Variants in IGF2R observed in about 807,000 individuals in gnomAD.
IGF2R encodes cation-independent mannose-6-phosphate receptor.
IGF2R carries 91 observed loss-of-function variants against 270.6 expected under a neutral mutation model. That is an observed-to-expected ratio of 0.34 (90% CI 0.28 to 0.40). IGF2R has a LOEUF of 0.40. Ranked by LOEUF, IGF2R falls within the 10% of genes least tolerant of loss-of-function variation. IGF2R has a pLI of 1.00. For missense variants in IGF2R, 2,805 were observed against 3,188.3 expected, an observed-to-expected ratio of 0.88 and a Z score of 2.90; for synonymous variants, 1,316 against 1,258.9, an observed-to-expected ratio of 1.05 and a Z score of -0.96.
intron 46 of IGF2R, among the ~76,000 whole-genome samples, chr6:160,103,110 AGC>A (rs1407013471): frequency 2.0e-5 from 3 of 152,158 alleles, no homozygotes; most frequent in Non-Finnish European, 2.9e-5. Flanking sequence ...GTGACGGTCA[AGC>A]AGATTTTCAC....
chr6:160,010,814 T>G (rs779414257), intron 4 of IGF2R, 29 bp downstream of exon 4: 3 of 1,256,740 alleles, frequency 2.4e-6, no homozygotes, highest in Non-Finnish European at 3.5e-6. Flanking sequence ...ATTACATGCT[T>G]ATGAAGTATA....
rs763859179 is a variant in IGF2R, at chr6:160,084,132, C to T, written c.6016C>T (p.Arg2006Trp). The T allele has an allele frequency of 8.1e-6, 13 of 1,613,992 alleles. No individual in the cohort carries two copies. Among genetic ancestry groups the T allele is most frequent in the Admixed American group, 6.7e-5 (4 of 60,012 alleles). The change falls in exon 40 of 48, where the codon CGG becomes TGG. Residue 2006 changes from arginine (R) to tryptophan (W), a missense_variant. Arg to Trp is a moderately radical substitution (Grantham distance 101, BLOSUM62 -3). Around this residue, in one of 2 missense-constraint regions of IGF2R, gnomAD observed 1,851 missense variants for 2,207.2 expected, o/e 0.84. Transcript: ENST00000356956. This position sits in a 1 kb window ranked among gnomAD's most constrained non-coding sequence, Gnocchi z 4.6. ...CCAGAAACACAAAACCTACGACCTG[C>T]GGCTGCTCTCCTCTCTCACCGGGTC... ...FVQKHKTYDL[R>W]LLSSLTGSWS...
chr6:160,047,207 T>C lies in IGF2R; in HGVS notation c.2100T>C (p.Tyr700=). 6.2e-7 allele frequency: 1 copy of C among 1,614,150 alleles called. No individual in the cohort carries two copies. The highest frequency in any genetic ancestry group is 1.1e-5 in the South Asian group (1 of 91,084). The change falls in exon 16 of 48, where the codon TAT becomes TAC. Residue 700 remains tyrosine (Y), a synonymous_variant. Coordinates refer to ENST00000356956, the MANE Select transcript of IGF2R (RefSeq NM_000876.4). ...NLGLSNAKLS[Y]YDGMIQLNYR... The stretch of plus-strand genomic sequence containing the variant: ...GTCTGAGTAATGCGAAGCTTTCATA[T>C]TATGATGGGATGATCCAACTGAACT...
At chr6:160,087,461 G>A (rs934172519) in intron 41 of IGF2R, among the ~76,000 whole-genome samples, 6 of 152,224 alleles carry the variant, frequency 3.9e-5, no homozygotes, top group African/African-American at 1.2e-4. Context: ...CAGAAGCTCA[G>A]CAACCCAGGG....
intron 4 of IGF2R, among the ~76,000 whole-genome samples, chr6:160,019,181 A>G (rs1231572188): frequency 1.3e-5 from 2 of 152,190 alleles, no homozygotes; most frequent in Non-Finnish European, 2.9e-5. Context: ...AACTGAGAAA[A>G]TTTAGAGGAA....
At chr6:160,078,085 C>G (rs1778892834) in intron 36 of IGF2R, 116 bp from the exon 37 acceptor site, 1 of 975,550 alleles carries the variant, frequency 1.0e-6, no homozygotes, top group Non-Finnish European at 1.6e-6. Context: ...TCTAGCATCC[C>G]TTCCCTCTGA....
At chr6:160,016,231 T>C (rs1777295712) in intron 4 of IGF2R, among the ~76,000 whole-genome samples, 1 of 152,178 alleles carries the variant, frequency 6.6e-6, no homozygotes, top group East Asian at 1.9e-4. Context: ...AGGCTGCACC[T>C]CTTTTTACCA....
At chr6:159,982,494 T>G (rs1783821465) in intron 1 of IGF2R, among the ~76,000 whole-genome samples, 1 of 152,214 alleles carries the variant, frequency 6.6e-6, no homozygotes, top group Non-Finnish European at 1.5e-5. Flanking sequence ...AGAGAAACAT[T>G]TCTCTAGCTA....
intron 20 of IGF2R, among the ~76,000 whole-genome samples, chr6:160,057,821 G>C (rs1180055564): frequency 6.6e-6 from 1 of 152,142 alleles, no homozygotes; most frequent in Admixed American, 6.5e-5. Flanking sequence ...TCTGAGTCTG[G>C]GCTCACACTT....
At chr6:160,104,644 C>T (rs780997714) in intron 47 of IGF2R, 30 bp from the exon 48 acceptor site, 6 of 1,591,190 alleles carry the variant, frequency 3.8e-6, no homozygotes, top group Admixed American at 1.7e-5. Context: ...TTAGGGGGCT[C>T]ACGTGGTCTC....
rs909519894 is a variant in IGF2R at position 160,107,562 on chromosome 6, A to G, written c.*2478A>G. 6 of 152,262 alleles carry G rather than the reference A, an allele frequency of 3.9e-5. No individual in the cohort carries two copies. Among genetic ancestry groups the G allele is most frequent in the African/African-American group, 1.4e-4 (6 of 41,472 alleles). The allele number at this position is 152,262 out of a possible 1,614,324, so 9.4% of individuals were successfully genotyped here. ...AGAGAAATGATTTTATTGATGGAGT[A>G]CAACCTGGGTATTTAGCTTCCTTTC... On this transcript the variant is annotated 3_prime_UTR_variant, in exon 48 of 48. Coordinates refer to ENST00000356956, the MANE Select transcript of IGF2R (RefSeq NM_000876.4).
rs555787844 is a variant in IGF2R at position 160,012,154 on chromosome 6, A to T, written c.513+1369A>T. Among the ~76,000 whole-genome samples the T allele has an allele frequency of 3.1e-3, 474 of 152,086 alleles. 4 individuals carry two copies. Among genetic ancestry groups the T allele is most frequent in the Non-Finnish European group, 4.6e-3 (311 of 68,006 alleles). ...AAGGAGCATTCAATGAAAAAAAAAAAGTTTAAAGTGGAAAGAATTAAGGCT... is the reference window on the plus strand; with the variant it reads ...AAGGAGCATTCAATGAAAAAAAAAATGTTTAAAGTGGAAAGAATTAAGGCT... On this transcript the variant is annotated intron_variant, in intron 4 of 47. Coordinates refer to ENST00000356956, the MANE Select transcript of IGF2R (RefSeq NM_000876.4).
Position 160,090,090 on chromosome 6 carries a change from G to T in IGF2R, c.6642G>T (p.Lys2214Asn). 1 of 1,541,796 alleles carries T rather than the reference G, an allele frequency of 6.5e-7. No individual in the cohort carries two copies. The highest frequency in any genetic ancestry group is 8.8e-7 in the Non-Finnish European group (1 of 1,142,402). Reference protein sequence around the residue: ...SRKVGTSDKTKYYLQDGDLDV... With the variant: ...SRKVGTSDKTNYYLQDGDLDV... ...AAGTTGGAACCTCTGACAAGACCAA[G>T]TACTACCTTCAAGGTAATCCGTGGC... The change falls in exon 44 of 48, where the codon AAG (lysine) becomes AAT (asparagine). Residue 2214 changes from lysine (K) to asparagine (N), a missense_variant. Lys to Asn is a moderately conservative substitution (Grantham distance 94). Coordinates refer to ENST00000356956, the MANE Select transcript of IGF2R (RefSeq NM_000876.4).
intron 2 of IGF2R, among the ~76,000 whole-genome samples, chr6:159,997,848 C>T (rs117890096): frequency 6.6e-6 from 1 of 152,308 alleles, no homozygotes; most frequent in East Asian, 1.9e-4. Context: ...ATGGAAATTG[C>T]TAAACACAGT....
rs145737526 is a variant in IGF2R, at chr6:159,992,759, C to A, written c.289+1436C>A. On this transcript the variant is annotated intron_variant, in intron 2 of 47. Transcript: ENST00000356956. ...CAGGTGTCTTTCTGATGATTTTTTT[C>A]CTTCAAGTATATATTCAGTAGTGGG... 4.2e-3 allele frequency among the ~76,000 whole-genome samples: 633 copies of A among 152,106 alleles called. 4 individuals carry two copies. The highest frequency in any genetic ancestry group is 0.015 in the African/African-American group (607 of 41,480).
Position 160,084,155 on chromosome 6 carries a change from G to A in IGF2R, c.6039G>A (p.Gly2013=). 5.0e-6 allele frequency: 8 copies of A among 1,613,858 alleles called. No homozygotes were observed. The highest frequency in any genetic ancestry group is 1.3e-5 in the African/African-American group (1 of 75,000). ...YDLRLLSSLT[G]SWSLVHNGVS... is the part of the protein sequence containing the mutation. ...TGCGGCTGCTCTCCTCTCTCACCGG[G>A]TCCTGGTCCCTCGTCCACAACGGAG... Residue 2013 remains glycine (G), a synonymous_variant, in exon 40 of 48, where the codon GGG becomes GGA. Transcript: ENST00000356956. The surrounding 1 kb of genome is among the most constrained non-coding windows in gnomAD (Gnocchi z 4.6).
Position 160,045,896 on chromosome 6 carries a change from C to A in IGF2R, c.1903+14C>A, listed in dbSNP as rs1261120450. On this transcript the variant is annotated intron_variant, in intron 14 of 47. Coordinates refer to ENST00000356956, the MANE Select transcript of IGF2R (RefSeq NM_000876.4). The stretch of plus-strand genomic sequence containing the variant: ...ACTCCCAGGCAGGTCTGTGTCCAAG[C>A]AGGACCTCTGCTTTAATGTGACTTG... 5 of 1,525,784 alleles carry A rather than the reference C, an allele frequency of 3.3e-6. No homozygotes were observed. Among genetic ancestry groups the A allele is most frequent in the Non-Finnish European group, 4.4e-6 (5 of 1,140,786 alleles). 94.5% of individuals were successfully genotyped at this position (1,525,784 alleles called of 1,614,324 possible). A position where few individuals can be genotyped will look rare whatever the true frequency, so the allele number is the denominator to read the frequency against.
In IGF2R at chr6:160,104,807, G is replaced by A; in HGVS notation, c.7199G>A (p.Ser2400Asn). The A allele has an allele frequency of 6.2e-7, 1 of 1,614,218 alleles. No homozygotes were observed. The highest frequency in any genetic ancestry group is 2.2e-5 in the East Asian group (1 of 44,866). Reference protein sequence around the residue: ...HITTKSVKALSSLHGDDQDSE... With the variant: ...HITTKSVKALNSLHGDDQDSE... ...ACCACCAAGTCAGTGAAAGCCCTCA[G>A]CTCCCTGCATGGGGATGACCAGGAC... The change falls in exon 48 of 48, where the codon AGC becomes AAC. Residue 2400 changes from serine to asparagine, a missense_variant. By Grantham distance (46) the Ser-to-Asn change is conservative. Coordinates refer to ENST00000356956, the MANE Select transcript of IGF2R (RefSeq NM_000876.4).
At chr6:160,008,973 T>C (rs1562341403) in intron 2 of IGF2R, 37 bp from the exon 3 acceptor site, 1 of 1,609,462 alleles carries the variant, frequency 6.2e-7, no homozygotes, top group East Asian at 2.2e-5. Context: ...GTTATGTATG[T>C]TTTATAGCCT....
Sources: gnomAD v4.1 joint callset for allele counts (sites outside exome capture counted in the v4.1 genomes callset) on GRCh38, gnomAD v4.1.1 for gene constraint, gnomAD v4.1.1 regional missense constraint, Gnocchi (gnomAD v3.1) non-coding constraint, MANE v1.5 for transcripts, NCBI Gene and HGNC (gene_info 2026-07-23, HGNC 2026-07-21) for gene names.